RIMKLB: variants seen among roughly 807,000 people sequenced by gnomAD.
The protein encoded by RIMKLB is beta-citrylglutamate synthase B.
RIMKLB carries 7 observed loss-of-function variants against 32.0 expected under a neutral mutation model. The ratio of observed to expected loss-of-function variants is 0.22; its 90% confidence interval spans 0.12 to 0.41. The LOEUF (loss-of-function observed/expected upper bound fraction) is 0.41, where lower values mean the gene tolerates loss of function less well. Ranked by LOEUF, RIMKLB falls within the 10% of genes least tolerant of loss-of-function variation. The pLI, the probability that RIMKLB is intolerant of heterozygous loss-of-function variation, is 1.00. For missense variants in RIMKLB, 289 were observed against 498.7 expected, an observed-to-expected ratio of 0.58 and a Z score of 4.00; for synonymous variants, 172 against 185.1, an observed-to-expected ratio of 0.93 and a Z score of 0.57.
Position 8,748,417 on chromosome 12 carries a change from GA to G in RIMKLB, c.176-1437del, listed in dbSNP as rs751182724. Among the ~76,000 whole-genome samples the G allele has an allele frequency of 9.3e-5, 14 of 150,012 alleles. No individual in the cohort carries two copies. The East Asian group carries it at 2.0e-3, about 21-fold the overall frequency. On this transcript the variant is annotated intron_variant, in intron 2 of 5. Coordinates refer to ENST00000535829, the MANE Select transcript of RIMKLB (RefSeq NM_001297776.2). ...CTTTATCACAGGTATGTGTGTATAG[GA>G]AAAAAAACAGTATATATAGTTCTTA...
At chr12:8,714,894 T>G (rs1353482724) in intron 2 of RIMKLB, among the ~76,000 whole-genome samples, 3 of 152,162 alleles carry the variant, frequency 2.0e-5, no homozygotes, top group Non-Finnish European at 4.4e-5. Flanking sequence ...GTGACTAGAA[T>G]TATACTAAGC....
At chr12:8,757,056 A>G (rs1325753564) in intron 5 of RIMKLB, among the ~76,000 whole-genome samples, 1 of 152,180 alleles carries the variant, frequency 6.6e-6, no homozygotes, top group Admixed American at 6.5e-5. Flanking sequence ...ATTTTTCATT[A>G]TAACACGTCC....
intron 5 of RIMKLB, among the ~76,000 whole-genome samples, chr12:8,771,359 A>G (rs1208787226): frequency 6.6e-6 from 1 of 152,128 alleles, no homozygotes; most frequent in African/African-American, 2.4e-5. Flanking sequence ...GCTGTGGGGT[A>G]GGTGAAAGGA....
the RIMKLB span, among the ~76,000 whole-genome samples, chr12:8,674,863 C>CTT: frequency 7.8e-4 from 100 of 128,232 alleles, 1 homozygote; most frequent in Middle Eastern, 4.8e-3. Context: ...TGTCACAATT[C>CTT]TTTTTTTTTT....
chr12:8,712,851 C>G (rs1299445198), intron 1 of RIMKLB, among the ~76,000 whole-genome samples: 1 of 152,058 alleles, frequency 6.6e-6, no homozygotes, highest in Non-Finnish European at 1.5e-5. Context: ...AGGACCTTTC[C>G]TTTTGTGTTA....
At chr12:8,682,686 G>T (rs1054526613) in intron 1 of RIMKLB, among the ~76,000 whole-genome samples, 9 of 151,746 alleles carry the variant, frequency 5.9e-5, no homozygotes, top group African/African-American at 2.2e-4. Flanking sequence ...GCAGGAGAAC[G>T]GCGTGAACCC....
intron 2 of RIMKLB, among the ~76,000 whole-genome samples, chr12:8,731,828 C>T (rs1466909286): frequency 6.6e-6 from 1 of 151,706 alleles, no homozygotes; most frequent in African/African-American, 2.4e-5. Context: ...ATATTTTATC[C>T]TTTTGAGGAT....
chr12:8,773,171 A>G, intron 5 of RIMKLB, 150 bp from the exon 6 acceptor site: 1 of 614,710 alleles, frequency 1.6e-6, no homozygotes, highest in Non-Finnish European at 2.9e-6. Context: ...GATTAAGGAA[A>G]TCTAGACTTA....
At chr12:8,755,268 AT>A (rs747735639) in intron 5 of RIMKLB, among the ~76,000 whole-genome samples, 5,216 of 142,622 alleles carry the variant, frequency 0.037, 253 homozygotes, top group African/African-American at 0.11. Context: ...AATTTTTTAC[AT>A]TTTTTTTTTT....
intron 5 of RIMKLB, among the ~76,000 whole-genome samples, chr12:8,765,916 G>A (rs1276887171): frequency 6.6e-6 from 1 of 152,112 alleles, no homozygotes; most frequent in Non-Finnish European, 1.5e-5. Context: ...TACAAAAGAG[G>A]TCTAGCTGTA....
downstream of RIMKLB, among the ~76,000 whole-genome samples, chr12:8,778,029 T>TA (rs1387092388): frequency 6.6e-6 from 1 of 152,222 alleles, no homozygotes; most frequent in Non-Finnish European, 1.5e-5. Flanking sequence ...TTTAGCCATT[T>TA]AGATGACTCC....
intron 1 of RIMKLB, among the ~76,000 whole-genome samples, chr12:8,685,536 TTC>T (rs2136540832): frequency 6.6e-6 from 1 of 151,002 alleles, no homozygotes; most frequent in East Asian, 1.9e-4. Flanking sequence ...TGGTATATAA[TTC>T]TTTTTATTAA....
the RIMKLB span, among the ~76,000 whole-genome samples, chr12:8,673,124 T>C: frequency 6.6e-6 from 1 of 152,046 alleles, no homozygotes; most frequent in Admixed American, 6.5e-5. Flanking sequence ...TCAGGTGATC[T>C]ACCTGCCTTG....
upstream of RIMKLB, among the ~76,000 whole-genome samples, chr12:8,695,591 T>G (rs763367176): frequency 2.6e-5 from 4 of 152,220 alleles, no homozygotes; most frequent in Non-Finnish European, 4.4e-5. Context: ...CCTCCTGAGC[T>G]TTGTTTTACT....
intron 2 of RIMKLB, among the ~76,000 whole-genome samples, chr12:8,724,988 C>T (rs1965070587): frequency 6.6e-6 from 1 of 152,176 alleles, no homozygotes; most frequent in Admixed American, 6.5e-5. Flanking sequence ...CCATGCTACA[C>T]CCAGGTACTA....
intron 1 of RIMKLB, among the ~76,000 whole-genome samples, chr12:8,709,594 G>A (rs771081243): frequency 2.2e-4 from 33 of 152,342 alleles, no homozygotes; most frequent in African/African-American, 7.0e-4. Flanking sequence ...AGCCCTTGGG[G>A]AGGCCCCATC....
chr12:8,672,765 C>T, the RIMKLB span, among the ~76,000 whole-genome samples: 3 of 152,170 alleles, frequency 2.0e-5, no homozygotes, highest in South Asian at 2.1e-4. Context: ...CCCGCCTCCC[C>T]GTGCTCCTGC....
chr12:8,713,688 C>T, intron 1 of RIMKLB, 123 bp from the exon 2 acceptor site: 2 of 628,178 alleles, frequency 3.2e-6, no homozygotes, highest in Admixed American at 2.9e-5. Flanking sequence ...GAAACAATAT[C>T]TCTACACGTG....
rs929715690 is a variant in RIMKLB, at chr12:8,756,017, G to T, written c.697+1924G>T. 6.1e-4 allele frequency among the ~76,000 whole-genome samples: 93 copies of T among 152,006 alleles called. 1 individual carries two copies. The highest frequency in any genetic ancestry group is 2.1e-3 in the Admixed American group (32 of 15,242). On this transcript the variant is annotated intron_variant, in intron 5 of 5. Coordinates refer to ENST00000535829, the MANE Select transcript of RIMKLB (RefSeq NM_001297776.2). ...AAAAATATAAAGTTGGCCAGGTGCA[G>T]TGGCACATTCCTGTTTAGTCCCGGC...
Sources: gnomAD v4.1 joint callset for allele counts (sites outside exome capture counted in the v4.1 genomes callset) on GRCh38, gnomAD v4.1.1 for gene constraint, MANE v1.5 for transcripts, NCBI Gene and HGNC (gene_info 2026-07-23, HGNC 2026-07-21) for gene names.